TENM3: variants seen among roughly 807,000 people sequenced by gnomAD.
TENM3 encodes teneurin transmembrane protein 3, also known as teneurin-3.
TENM3 carries 63 observed loss-of-function variants against 255.1 expected under a neutral mutation model. The observed-to-expected ratio is 0.25, with a 90% CI of 0.20 to 0.30. TENM3 has a LOEUF of 0.30. TENM3 is among the 10% of genes least tolerant of loss of function. The pLI, the probability that TENM3 is intolerant of heterozygous loss-of-function variation, is 1.00. For synonymous variants in TENM3, 1,306 were observed against 1,322.3 expected (o/e 0.99, Z 0.27); for missense variants, 2,929 against 3,461.1 (o/e 0.85, Z 3.86).
chr4:182,554,566 A>ATGTG (rs144765082), intron 3 of TENM3, among the ~76,000 whole-genome samples: 1 of 151,358 alleles, frequency 6.6e-6, no homozygotes, highest in South Asian at 2.1e-4. Context: ...GTGTGCACGT[A>ATGTG]TGTGTGTGTG....
chr4:182,020,634 A>G, the TENM3 span, among the ~76,000 whole-genome samples: 1 of 152,168 alleles, frequency 6.6e-6, no homozygotes, highest in African/African-American at 2.4e-5. Flanking sequence ...CATTATATAT[A>G]TTGCAACATC....
the TENM3 span, among the ~76,000 whole-genome samples, chr4:181,752,978 T>C: frequency 6.6e-6 from 1 of 152,198 alleles, no homozygotes. Flanking sequence ...TGTTCATAGC[T>C]GAAACCTAAC....
At chr4:181,711,076 T>G in the TENM3 span, among the ~76,000 whole-genome samples, 1 of 152,144 alleles carries the variant, frequency 6.6e-6, no homozygotes, top group African/African-American at 2.4e-5. Flanking sequence ...ATAAACTACC[T>G]TTTCTACATT....
At chr4:181,856,489 T>C in the TENM3 span, among the ~76,000 whole-genome samples, 1 of 152,238 alleles carries the variant, frequency 6.6e-6, no homozygotes, top group African/African-American at 2.4e-5. Flanking sequence ...CATGAATGAG[T>C]AAATCTTGCT....
intron 1 of TENM3, among the ~76,000 whole-genome samples, chr4:182,264,937 T>TC (rs1413357696): frequency 1.2e-4 from 18 of 152,324 alleles, no homozygotes; most frequent in Admixed American, 9.8e-4. Context: ...GGTTTTTTTT[T>TC]CTTAGTCGAC....
the TENM3 span, among the ~76,000 whole-genome samples, chr4:181,516,820 T>C: frequency 6.6e-6 from 1 of 152,106 alleles, no homozygotes; most frequent in Non-Finnish European, 1.5e-5. Flanking sequence ...TTTTACTATG[T>C]GCCAGGTTGT....
chr4:181,697,198 G>T, the TENM3 span, among the ~76,000 whole-genome samples: 3 of 152,178 alleles, frequency 2.0e-5, no homozygotes, highest in Non-Finnish European at 4.4e-5. Flanking sequence ...GTTCTGGAGT[G>T]AACTGAGAGT....
intron 3 of TENM3, among the ~76,000 whole-genome samples, chr4:182,381,884 A>G (rs1176270794): frequency 2.0e-5 from 3 of 152,184 alleles, no homozygotes; most frequent in Admixed American, 6.5e-5. Flanking sequence ...TTCTTAATGA[A>G]GAGCTGATGT....
the TENM3 span, among the ~76,000 whole-genome samples, chr4:181,984,254 T>C: frequency 1.3e-5 from 2 of 152,118 alleles, no homozygotes; most frequent in Non-Finnish European, 2.9e-5. Flanking sequence ...TAACATGTTG[T>C]ATTTAATACA....
chr4:181,880,337 C>G, the TENM3 span, among the ~76,000 whole-genome samples: 2 of 151,800 alleles, frequency 1.3e-5, no homozygotes, highest in South Asian at 4.2e-4. Context: ...TTTAAATATG[C>G]AAATATTAAC....
At chr4:181,739,216 G>C in the TENM3 span, among the ~76,000 whole-genome samples, 1 of 152,256 alleles carries the variant, frequency 6.6e-6, no homozygotes, top group African/African-American at 2.4e-5. Flanking sequence ...TTAGACAGGG[G>C]TCCAATAATG....
the TENM3 span, among the ~76,000 whole-genome samples, chr4:181,989,735 G>A: frequency 1.3e-5 from 2 of 152,134 alleles, no homozygotes; most frequent in African/African-American, 4.8e-5. Flanking sequence ...CGACTTGGAT[G>A]CAGCTATTCG....
At chr4:181,977,886 C>G in the TENM3 span, among the ~76,000 whole-genome samples, 3 of 152,138 alleles carry the variant, frequency 2.0e-5, no homozygotes, top group African/African-American at 7.2e-5. Flanking sequence ...ATAACGTTCA[C>G]AAGCTCTTGG....
At chr4:181,625,829 T>A in the TENM3 span, among the ~76,000 whole-genome samples, 21 of 146,388 alleles carry the variant, frequency 1.4e-4, no homozygotes, top group South Asian at 4.5e-4. Context: ...AAAATAATAA[T>A]AATAACAATA....
intron 13 of TENM3, among the ~76,000 whole-genome samples, chr4:182,722,596 G>A (rs1759827721): frequency 6.6e-6 from 1 of 152,194 alleles, no homozygotes; most frequent in Admixed American, 6.5e-5. Flanking sequence ...AACGATTGTG[G>A]TGAAAGGTCT....
the TENM3 span, among the ~76,000 whole-genome samples, chr4:181,768,124 T>G: frequency 6.6e-6 from 1 of 152,180 alleles, no homozygotes; most frequent in African/African-American, 2.4e-5. Context: ...TAGCAGAGTT[T>G]TGGATAAAGG....
chr4:181,678,228 A>G, the TENM3 span, among the ~76,000 whole-genome samples: 4 of 152,148 alleles, frequency 2.6e-5, no homozygotes, highest in African/African-American at 7.2e-5. Context: ...TTGAATTGTA[A>G]TAACTTTTTT....
chr4:182,097,834 GC>G, the TENM3 span, among the ~76,000 whole-genome samples: 1 of 152,096 alleles, frequency 6.6e-6, no homozygotes, highest in Non-Finnish European at 1.5e-5. Context: ...AGGAATTCAT[GC>G]TATCTTCATT....
chr4:181,571,478 A>G, the TENM3 span, among the ~76,000 whole-genome samples: 1 of 152,122 alleles, frequency 6.6e-6, no homozygotes. Flanking sequence ...CTGGGACTAC[A>G]GGTAGTTGCC....
Sources: allele counts gnomAD v4.1 joint callset (sites outside exome capture counted in the v4.1 genomes callset), GRCh38; gene constraint gnomAD v4.1.1; transcripts MANE v1.5; gene names NCBI Gene and HGNC (gene_info 2026-07-23, HGNC 2026-07-21).